The following DIAPH1 variants were observed in gnomAD, a reference collection of about 807,000 sequenced individuals.
DIAPH1 encodes the protein diaphanous related formin 1.
In DIAPH1, 46 loss-of-function variants were observed where a neutral mutation model predicts 140.7. The ratio of observed to expected loss-of-function variants is 0.33; its 90% CI spans 0.26 to 0.42. The LOEUF (loss-of-function observed/expected upper bound fraction) is 0.42, where lower values mean the gene tolerates loss of function less well. Ranked by LOEUF, DIAPH1 falls within the 10% of genes least tolerant of loss-of-function variation. The pLI is 1.00. For synonymous variants in DIAPH1, 565 were observed against 551.6 expected (o/e 1.02, Z -0.34); for missense variants, 1,310 against 1,558.7 (o/e 0.84, Z 2.69).
At chr5:141,610,771 A>C (rs2099901709) in intron 1 of DIAPH1, among the ~76,000 whole-genome samples, 1 of 152,072 alleles carries the variant, frequency 6.6e-6, no homozygotes. Context: ...CATTTCTACA[A>C]AAATAAAACA....
Position 141,574,138 on chromosome 5 carries a change from G to GA in DIAPH1, c.1711_1712insT (p.Thr571IlefsTer8). 1.2e-6 allele frequency: 2 copies of GA among 1,614,108 alleles called. No homozygotes were observed. Among genetic ancestry groups the GA allele is most frequent in the Non-Finnish European group, 1.7e-6 (2 of 1,180,028 alleles). ...ACGACTAGGAACAGAAGGAGGTACA[G>GA]TAATAGCTGCCGCAGAGAGGGAAGC... On this transcript the variant is annotated frameshift_variant, in exon 16 of 28. Transcript: ENST00000389054. LOFTEE classifies it high-confidence loss of function.
intron 18 of DIAPH1, among the ~76,000 whole-genome samples, chr5:141,556,044 A>AC (rs2099892527): frequency 6.6e-6 from 1 of 152,182 alleles, no homozygotes; most frequent in Admixed American, 6.5e-5. Flanking sequence ...GCTGAAAGTC[A>AC]GAGTCACTGA....
intron 3 of DIAPH1, among the ~76,000 whole-genome samples, chr5:141,584,894 A>G (rs2099897296): frequency 6.6e-6 from 1 of 151,672 alleles, no homozygotes; most frequent in Non-Finnish European, 1.5e-5. Context: ...GGATGGGGGG[A>G]TGTATTCTGT....
chr5:141,580,201 A>C (rs1452975011), intron 8 of DIAPH1, among the ~76,000 whole-genome samples: 1 of 152,224 alleles, frequency 6.6e-6, no homozygotes, highest in Non-Finnish European at 1.5e-5. Flanking sequence ...ATATGCAGTT[A>C]GTTTTATAGG....
intron 18 of DIAPH1, among the ~76,000 whole-genome samples, chr5:141,562,090 T>G (rs1002563716): frequency 3.3e-5 from 5 of 152,214 alleles, no homozygotes; most frequent in African/African-American, 1.2e-4. Flanking sequence ...TGCCATACAT[T>G]TACAGAGCTG....
intron 18 of DIAPH1, chr5:141,563,062 C>T (rs1055891607): frequency 6.6e-6 from 1 of 152,226 alleles, no homozygotes; most frequent in Non-Finnish European, 1.5e-5. Context: ...CTATCTCCTC[C>T]AGTTTCTCAC....
At chr5:141,567,847 G>A (rs2099894609) in intron 18 of DIAPH1, among the ~76,000 whole-genome samples, 1 of 152,188 alleles carries the variant, frequency 6.6e-6, no homozygotes, top group Admixed American at 6.5e-5. Flanking sequence ...TAACAGTTCT[G>A]ACTTCTGGAA....
intron 18 of DIAPH1, among the ~76,000 whole-genome samples, chr5:141,554,057 T>C (rs925836562): frequency 2.6e-5 from 4 of 152,254 alleles, no homozygotes; most frequent in African/African-American, 9.6e-5. Context: ...GGCGGGCAGA[T>C]CACCTGAAGC....
At chr5:141,547,418 T>C (rs2099890968) in intron 18 of DIAPH1, among the ~76,000 whole-genome samples, 1 of 152,054 alleles carries the variant, frequency 6.6e-6, no homozygotes, top group African/African-American at 2.4e-5. Context: ...TGAGCCAAGA[T>C]CGCGGCACTG....
intron 18 of DIAPH1, among the ~76,000 whole-genome samples, chr5:141,540,510 G>C (rs2099889809): frequency 6.6e-6 from 1 of 151,890 alleles, no homozygotes; most frequent in African/African-American, 2.4e-5. Context: ...TCGAACTCCT[G>C]ACCTCGTGAT....
At chr5:141,554,824 AC>A (rs1379252305) in intron 18 of DIAPH1, among the ~76,000 whole-genome samples, 2 of 152,220 alleles carry the variant, frequency 1.3e-5, no homozygotes, top group African/African-American at 4.8e-5. Flanking sequence ...ACAAAAAAAA[AC>A]CTGACCAAAT....
At chr5:141,592,661 T>C (rs771592227) in intron 1 of DIAPH1, among the ~76,000 whole-genome samples, 46 of 152,190 alleles carry the variant, frequency 3.0e-4, no homozygotes, top group Non-Finnish European at 5.0e-4. Context: ...TTCTCCTTGT[T>C]TGCTGTCAAT....
rs1461203802 is a variant in DIAPH1 at position 141,573,794 on chromosome 5, T to C, written c.2056A>G (p.Arg686Gly). 4.3e-6 allele frequency: 5 copies of C among 1,161,876 alleles called. No homozygotes were observed. The highest frequency in any genetic ancestry group is 5.6e-6 in the Non-Finnish European group (5 of 890,414). The allele number at this position is 1,161,876 out of a possible 1,614,324, so 72.0% of individuals were successfully genotyped here. A position where few individuals can be genotyped will look rare whatever the true frequency, so the allele number is the denominator to read the frequency against. ...PPPPPLPGSA[R>G]IPPPPPPLPG... ...AAAGGAGGTGGTGGTGGGGGGATTC[T>C]AGCACTCCCAGGCAAAGGAGGAGGT... The change falls in exon 16 of 28, where the codon AGA (arginine) becomes GGA (glycine). Residue 686 changes from arginine to glycine, a missense_variant. Around this residue, in one of 3 missense-constraint regions of DIAPH1, gnomAD observed 589 missense variants for 549.3 expected, o/e 1.07. Coordinates refer to ENST00000389054, the MANE Select transcript of DIAPH1 (RefSeq NM_005219.5).
intron 18 of DIAPH1, among the ~76,000 whole-genome samples, chr5:141,548,089 C>T (rs1242331740): frequency 6.6e-6 from 1 of 152,006 alleles, no homozygotes; most frequent in East Asian, 1.9e-4. Context: ...GTCCTAGCTT[C>T]TCAGGAAGCT....
At chr5:141,529,372 G>A (rs2099887865) in intron 20 of DIAPH1, 99 bp from the exon 21 acceptor site, 1 of 1,053,022 alleles carries the variant, frequency 9.5e-7, no homozygotes, top group Non-Finnish European at 1.5e-6. Context: ...TCTGCTCAAG[G>A]ACCATACAGA....
intron 1 of DIAPH1, among the ~76,000 whole-genome samples, chr5:141,608,244 C>T (rs1218669015): frequency 3.3e-5 from 5 of 152,206 alleles, no homozygotes; most frequent in Admixed American, 6.5e-5. Context: ...TTCCAGGCTG[C>T]AGTGGGCCAT....
chr5:141,531,439 A>C (rs1367520090), intron 19 of DIAPH1, among the ~76,000 whole-genome samples: 2 of 151,888 alleles, frequency 1.3e-5, no homozygotes, highest in Non-Finnish European at 2.9e-5. Context: ...CAGTCTCCCA[A>C]GTGGCTGGGA....
intron 7 of DIAPH1, chr5:141,582,086 AAG>A (rs1279819065): frequency 1.8e-5 from 7 of 391,680 alleles, no homozygotes; most frequent in Non-Finnish European, 3.2e-5. Context: ...AAAAAAAAAA[AAG>A]AGAGAGAAAC....
chr5:141,593,864 G>C (rs1295917479), intron 1 of DIAPH1, among the ~76,000 whole-genome samples: 1 of 152,136 alleles, frequency 6.6e-6, no homozygotes, highest in African/African-American at 2.4e-5. Context: ...CTGTCACCAA[G>C]GCTGGAGTGC....
Sources: allele counts gnomAD v4.1 joint callset (sites outside exome capture counted in the v4.1 genomes callset), GRCh38; gene constraint gnomAD v4.1.1; regional missense constraint gnomAD v4.1.1; transcripts MANE v1.5; gene names NCBI Gene and HGNC (gene_info 2026-07-23, HGNC 2026-07-21).